UBAC2: variants seen among roughly 807,000 people sequenced by gnomAD.
UBAC2 encodes the protein UBA domain containing 2.
Under a neutral mutation model 44.0 loss-of-function variants are expected in UBAC2, and 26 were observed. The observed-to-expected ratio is 0.59, with a 90% confidence interval of 0.43 to 0.82. UBAC2 has a LOEUF of 0.82. Ranked by LOEUF, UBAC2 falls within the 40% of genes least tolerant of loss-of-function variation. The pLI is 0.00. For synonymous variants in UBAC2, 155 were observed against 154.3 expected, an observed-to-expected ratio of 1.00 and a Z score of -0.04; for missense variants, 329 against 419.4, an observed-to-expected ratio of 0.78 and a Z score of 1.88.
intron 4 of UBAC2, among the ~76,000 whole-genome samples, chr13:99,281,405 A>G (rs2043953052): frequency 6.6e-6 from 1 of 152,068 alleles, no homozygotes. Flanking sequence ...AAGTTCTCAC[A>G]CTTTGGGCTC....
At chr13:99,369,379 A>T (rs1323215805) in intron 8 of UBAC2, among the ~76,000 whole-genome samples, 1 of 152,216 alleles carries the variant, frequency 6.6e-6, no homozygotes, top group African/African-American at 2.4e-5. Flanking sequence ...GATACGTGGT[A>T]CGAGACTCTT....
At chr13:99,224,405 A>G (rs1241273468) in intron 1 of UBAC2, among the ~76,000 whole-genome samples, 1 of 152,206 alleles carries the variant, frequency 6.6e-6, no homozygotes, top group Non-Finnish European at 1.5e-5. Context: ...CGTTCAGTCC[A>G]TAACAGTGAT....
chr13:99,321,276 A>G (rs1169058517), intron 6 of UBAC2, among the ~76,000 whole-genome samples: 1 of 152,160 alleles, frequency 6.6e-6, no homozygotes, highest in Non-Finnish European at 1.5e-5. Flanking sequence ...AGCTTATTTT[A>G]TTTAGCTAGG....
intron 7 of UBAC2, among the ~76,000 whole-genome samples, chr13:99,341,333 C>T (rs2044882471): frequency 1.3e-5 from 2 of 149,940 alleles, no homozygotes; most frequent in South Asian, 4.3e-4. Flanking sequence ...AGTAGGTCTG[C>T]AGATCTCACG....
chr13:99,286,394 T>A (rs915410823), intron 4 of UBAC2, among the ~76,000 whole-genome samples: 1 of 152,266 alleles, frequency 6.6e-6, no homozygotes, highest in Non-Finnish European at 1.5e-5. Flanking sequence ...GAAGCCTTGC[T>A]GATCTTTTCA....
At chr13:99,233,206 G>A (rs1036461005) in intron 1 of UBAC2, among the ~76,000 whole-genome samples, 13 of 151,266 alleles carry the variant, frequency 8.6e-5, no homozygotes, top group African/African-American at 2.4e-4. Context: ...TCCACTACCC[G>A]GGTTCAAGTG....
intron 4 of UBAC2, among the ~76,000 whole-genome samples, chr13:99,286,776 C>T (rs543336005): frequency 2.0e-5 from 3 of 152,264 alleles, no homozygotes; most frequent in East Asian, 1.9e-4. Flanking sequence ...GCTGTTGCCA[C>T]GTTATTCTTA....
intron 4 of UBAC2, among the ~76,000 whole-genome samples, chr13:99,262,096 T>C (rs778360457): frequency 1.6e-4 from 25 of 152,214 alleles, no homozygotes; most frequent in Non-Finnish European, 4.4e-5. Context: ...GTCTCCACAC[T>C]GTAGACATTC....
chr13:99,351,543 C>G (rs941653532), intron 7 of UBAC2: 2 of 456,620 alleles, frequency 4.4e-6, no homozygotes, highest in Admixed American at 2.3e-5. Context: ...TCAAAGTAAC[C>G]TTTTACCTGG....
chr13:99,294,939 C>G (rs937927726), intron 4 of UBAC2: 7 of 1,103,354 alleles, frequency 6.3e-6, no homozygotes, highest in Non-Finnish European at 9.0e-6. Context: ...GGGAAAGTGC[C>G]CAATGAAAGA....
chr13:99,363,328 A>G (rs2045290104), intron 7 of UBAC2, among the ~76,000 whole-genome samples: 1 of 152,198 alleles, frequency 6.6e-6, no homozygotes, highest in Non-Finnish European at 1.5e-5. Flanking sequence ...CTTTAACTTC[A>G]AGTAGTCTAG....
At chr13:99,370,498 T>C (rs2045390803) in intron 8 of UBAC2, among the ~76,000 whole-genome samples, 1 of 152,230 alleles carries the variant, frequency 6.6e-6, no homozygotes, top group Non-Finnish European at 1.5e-5. Flanking sequence ...TGTTTTTCCC[T>C]TTCAGCAAAC....
At chr13:99,265,545 C>T (rs182894246) in intron 4 of UBAC2, among the ~76,000 whole-genome samples, 2 of 152,364 alleles carry the variant, frequency 1.3e-5, no homozygotes, top group Admixed American at 6.5e-5. Flanking sequence ...CTCTCTTTGA[C>T]AGTCATGTGG....
At chr13:99,280,923 C>T (rs752843037) in intron 4 of UBAC2, among the ~76,000 whole-genome samples, 3 of 152,108 alleles carry the variant, frequency 2.0e-5, no homozygotes, top group Admixed American at 6.5e-5. Flanking sequence ...TGGTGGCTCA[C>T]GCCTGTAATC....
chr13:99,237,397 A>G (rs1156497778), intron 1 of UBAC2, among the ~76,000 whole-genome samples: 3 of 152,192 alleles, frequency 2.0e-5, no homozygotes, highest in Admixed American at 6.5e-5. Context: ...ACAAAAAGAC[A>G]AAGATTGCAT....
At chr13:99,271,795 C>G (rs1367603899) in intron 4 of UBAC2, among the ~76,000 whole-genome samples, 1 of 152,096 alleles carries the variant, frequency 6.6e-6, no homozygotes, top group Non-Finnish European at 1.5e-5. Context: ...CCCCAGCTCA[C>G]AAAAGTATCT....
intron 4 of UBAC2, among the ~76,000 whole-genome samples, chr13:99,261,174 G>T (rs1289888429): frequency 6.6e-6 from 1 of 152,208 alleles, no homozygotes; most frequent in East Asian, 1.9e-4. Flanking sequence ...GGGGTCCACT[G>T]TTGTTACTGT....
intron 1 of UBAC2, among the ~76,000 whole-genome samples, chr13:99,204,432 T>C (rs539317607): frequency 1.1e-4 from 16 of 152,104 alleles, no homozygotes; most frequent in Non-Finnish European, 2.1e-4. Flanking sequence ...TGGTTATGGC[T>C]GGAGTGAGCA....
intron 1 of UBAC2, among the ~76,000 whole-genome samples, chr13:99,204,975 C>T (rs1216695052): frequency 6.9e-6 from 1 of 144,102 alleles, no homozygotes; most frequent in Admixed American, 7.1e-5. Context: ...GTGATCTCAG[C>T]TCACTGCAAC....
Sources: allele counts gnomAD v4.1 joint callset (sites outside exome capture counted in the v4.1 genomes callset), GRCh38; gene constraint gnomAD v4.1.1; transcripts MANE v1.5; gene names NCBI Gene and HGNC (gene_info 2026-07-23, HGNC 2026-07-21).